Variants in GLIS3 observed in about 807,000 individuals in gnomAD.
The protein encoded by GLIS3 is GLIS family zinc finger 3, also known as zinc finger protein GLIS3.
GLIS3 carries 53 observed loss-of-function variants against 78.6 expected under a neutral mutation model. That is an observed-to-expected ratio of 0.67 (90% CI 0.54 to 0.85). The LOEUF is 0.85. Ranked by LOEUF, GLIS3 falls within the 40% of genes least tolerant of loss-of-function variation. The probability of loss-of-function intolerance (pLI) is 0.00; values close to 1 mark genes in which losing one functional copy is unlikely to be tolerated. For synonymous variants in GLIS3, 684 were observed against 509.9 expected, an observed-to-expected ratio of 1.34 and a Z score of -4.60; for missense variants, 1,703 against 1,231.1, an observed-to-expected ratio of 1.38 and a Z score of -5.74.
intron 6 of GLIS3, among the ~76,000 whole-genome samples, chr9:3,926,738 T>C (rs376053454): frequency 6.6e-6 from 1 of 152,220 alleles, no homozygotes; most frequent in African/African-American, 2.4e-5. Flanking sequence ...TTATCCTGCC[T>C]CAGCCTCCCA....
chr9:4,257,465 G>C (rs11794543), intron 2 of GLIS3, among the ~76,000 whole-genome samples: 16,518 of 152,166 alleles, frequency 0.11, 1,210 homozygotes, highest in Non-Finnish European at 0.16. Context: ...CAAGGGAATA[G>C]ATTTTGGGTA....
At chr9:3,877,361 CAG>C (rs1821386295) in intron 8 of GLIS3, among the ~76,000 whole-genome samples, 1 of 152,216 alleles carries the variant, frequency 6.6e-6, no homozygotes, top group Non-Finnish European at 1.5e-5. Flanking sequence ...GCTTTGCTGA[CAG>C]ATCTTGTGGG....
At chr9:3,990,000 G>A (rs1343857587) in intron 4 of GLIS3, among the ~76,000 whole-genome samples, 1 of 152,230 alleles carries the variant, frequency 6.6e-6, no homozygotes, top group East Asian at 1.9e-4. Flanking sequence ...TAGATAAAGT[G>A]TACAAGGGCT....
chr9:4,385,542 G>C, the GLIS3 span, among the ~76,000 whole-genome samples: 943 of 151,840 alleles, frequency 6.2e-3, 14 homozygotes, highest in Admixed American at 8.2e-3. Context: ...ATGGGCACCT[G>C]TAATCCCAGC....
At position 4,228,538 on chromosome 9, in the gene GLIS3, T is replaced by C. The variant is rs1453076860; in HGVS notation, c.388+57500A>G. ...TATAAAATCTCATGTATTAACTAAG[T>C]GTCTGGTCTCATTAGATGAAGCTGC... is the stretch of plus-strand genomic sequence containing the variant. On this transcript the variant is annotated intron_variant, in intron 2 of 10. Coordinates refer to ENST00000381971, the MANE Select transcript of GLIS3 (RefSeq NM_001042413.2). Among the ~76,000 whole-genome samples, 5 of 152,138 alleles carry C rather than the reference T, an allele frequency of 3.3e-5. No individual in the cohort carries two copies. In the East Asian group the frequency reaches 9.6e-4, roughly 29 times the overall value.
chr9:4,438,702 G>C, the GLIS3 span, among the ~76,000 whole-genome samples: 1 of 152,178 alleles, frequency 6.6e-6, no homozygotes, highest in Non-Finnish European at 1.5e-5. Context: ...CTGTTCTCAT[G>C]GTAGTGAATA....
At chr9:3,903,496 G>C (rs368574585) in intron 6 of GLIS3, among the ~76,000 whole-genome samples, 1 of 152,156 alleles carries the variant, frequency 6.6e-6, no homozygotes, top group Admixed American at 6.5e-5. Flanking sequence ...CTATGTGAAC[G>C]GCGTTCCTGG....
At chr9:3,985,934 T>G (rs1563920844) in intron 4 of GLIS3, among the ~76,000 whole-genome samples, 1 of 152,216 alleles carries the variant, frequency 6.6e-6, no homozygotes, top group African/African-American at 2.4e-5. Flanking sequence ...CTACATAGTT[T>G]GTTCTACCCA....
At position 4,032,077 on chromosome 9, in the gene GLIS3, G is replaced by A. The variant is rs571697635; in HGVS notation, c.1710+85691C>T. ...AGGAGGTCAGACAAAGGCAGCCTGAGCAGCCCTGCAGAGCAAGGGACACCA... is the reference window on the plus strand; with the variant it reads ...AGGAGGTCAGACAAAGGCAGCCTGAACAGCCCTGCAGAGCAAGGGACACCA... On this transcript the variant is annotated intron_variant, in intron 4 of 10. Transcript: ENST00000381971. Among the ~76,000 whole-genome samples, 6 of 152,232 alleles carry A rather than the reference G, an allele frequency of 3.9e-5. No individual in the cohort carries two copies. The East Asian group carries it at 1.2e-3, about 29-fold the overall frequency.
chr9:3,847,569 C>T (rs889189341), intron 9 of GLIS3, among the ~76,000 whole-genome samples: 13 of 152,234 alleles, frequency 8.5e-5, no homozygotes, highest in African/African-American at 2.7e-4. Flanking sequence ...CACATGCACT[C>T]ATGCTTGTGT....
At chr9:3,986,449 A>G (rs1203666019) in intron 4 of GLIS3, among the ~76,000 whole-genome samples, 1 of 152,194 alleles carries the variant, frequency 6.6e-6, no homozygotes, top group African/African-American at 2.4e-5. Context: ...GATTTATGAA[A>G]ACTGTGTACA....
chr9:4,092,933 G>T (rs1165488342), intron 4 of GLIS3, among the ~76,000 whole-genome samples: 2 of 152,140 alleles, frequency 1.3e-5, no homozygotes, highest in Non-Finnish European at 2.9e-5. Flanking sequence ...GTTCACACCA[G>T]AATCACCCCC....
intron 2 of GLIS3, among the ~76,000 whole-genome samples, chr9:4,202,173 C>T (rs7873150): frequency 0.11 from 12,024 of 110,392 alleles, 661 homozygotes; most frequent in East Asian, 0.26. Flanking sequence ...TTTTTTGAGA[C>T]GGAGTCTTGC....
At chr9:4,010,807 T>C (rs1261328629) in intron 4 of GLIS3, among the ~76,000 whole-genome samples, 1 of 152,112 alleles carries the variant, frequency 6.6e-6, no homozygotes, top group Non-Finnish European at 1.5e-5. Context: ...ATACCTAGAG[T>C]GGGTCCTGTG....
At chr9:3,955,050 G>A (rs1255270490) in intron 4 of GLIS3, among the ~76,000 whole-genome samples, 4 of 152,326 alleles carry the variant, frequency 2.6e-5, no homozygotes, top group South Asian at 2.1e-4. Context: ...AATTCACGAC[G>A]TAGAGGGGAC....
rs114158761 is a variant in GLIS3 at position 3,980,885 on chromosome 9, T to C, written c.1711-43696A>G. Among the ~76,000 whole-genome samples the C allele has an allele frequency of 1.1e-3, 161 of 152,342 alleles. 1 individual carries two copies. Among genetic ancestry groups the C allele is most frequent in the African/African-American group, 3.5e-3 (145 of 41,584 alleles). On this transcript the variant is annotated intron_variant, in intron 4 of 10. Coordinates refer to ENST00000381971, the MANE Select transcript of GLIS3 (RefSeq NM_001042413.2). The stretch of plus-strand genomic sequence containing the variant: ...GCTGCCAGCAAGTCAGATAATTAAA[T>C]GCCAAAGTAGTGACACTTGGCATTT...
At chr9:3,926,851 C>T (rs1254642552) in intron 6 of GLIS3, among the ~76,000 whole-genome samples, 1 of 151,324 alleles carries the variant, frequency 6.6e-6, no homozygotes, top group Non-Finnish European at 1.5e-5. Context: ...TCTTGAGCTC[C>T]TGGCCTCAAG....
intron 2 of GLIS3, among the ~76,000 whole-genome samples, chr9:4,248,544 A>G (rs1282583726): frequency 2.0e-5 from 3 of 152,188 alleles, no homozygotes; most frequent in Non-Finnish European, 2.9e-5. Flanking sequence ...GTGCTGCAAT[A>G]AATATATGTG....
intron 4 of GLIS3, among the ~76,000 whole-genome samples, chr9:4,057,315 G>A (rs1826230563): frequency 6.6e-6 from 1 of 151,946 alleles, no homozygotes; most frequent in Non-Finnish European, 1.5e-5. Context: ...TTTTCATTTT[G>A]CACTGGGTCC....
Sources: allele counts gnomAD v4.1 joint callset (sites outside exome capture counted in the v4.1 genomes callset), GRCh38; gene constraint gnomAD v4.1.1; transcripts MANE v1.5; gene names NCBI Gene and HGNC (gene_info 2026-07-23, HGNC 2026-07-21).